APBB1IP: variants seen among roughly 807,000 people sequenced by gnomAD.
The protein encoded by APBB1IP is amyloid beta A4 precursor protein-binding family B member 1-interacting protein.
Under a neutral mutation model 64.9 loss-of-function variants are expected in APBB1IP, and 27 were observed. The observed-to-expected ratio is 0.42, with a 90% CI of 0.31 to 0.57. The LOEUF is 0.57. APBB1IP is among the 20% of genes least tolerant of loss of function. APBB1IP has a pLI of 0.20. For synonymous variants in APBB1IP, 392 were observed against 331.0 expected (o/e 1.18, Z -2.00); for missense variants, 812 against 845.5 (o/e 0.96, Z 0.49).
intron 2 of APBB1IP, among the ~76,000 whole-genome samples, chr10:26,475,495 T>G (rs1368935455): frequency 6.6e-6 from 1 of 152,174 alleles, no homozygotes; most frequent in Admixed American, 6.6e-5. Flanking sequence ...GTGTTCCACC[T>G]GTGTTTTTCC....
intron 8 of APBB1IP, among the ~76,000 whole-genome samples, chr10:26,524,230 C>A (rs1836441787): frequency 6.6e-6 from 1 of 152,130 alleles, no homozygotes; most frequent in South Asian, 2.1e-4. Context: ...CCTCCCTTTG[C>A]CCCTGGAAGG....
chr10:26,548,685 G>A (rs1836796305), intron 11 of APBB1IP, among the ~76,000 whole-genome samples: 1 of 152,074 alleles, frequency 6.6e-6, no homozygotes, highest in Non-Finnish European at 1.5e-5. Flanking sequence ...TTTGTATGCC[G>A]ATTTTCTATC....
intron 2 of APBB1IP, among the ~76,000 whole-genome samples, chr10:26,447,073 G>T (rs1380980857): frequency 6.6e-6 from 1 of 152,082 alleles, no homozygotes; most frequent in African/African-American, 2.4e-5. Flanking sequence ...AAGGAGAAAG[G>T]TATAGAAATG....
At chr10:26,555,160 A>C (rs931237472) in intron 11 of APBB1IP, among the ~76,000 whole-genome samples, 2 of 152,080 alleles carry the variant, frequency 1.3e-5, no homozygotes, top group South Asian at 4.1e-4. Context: ...TCTCCCATTG[A>C]GCCCTCCCTC....
intron 14 of APBB1IP, 58 bp downstream of exon 14, chr10:26,562,487 C>G: frequency 1.4e-6 from 2 of 1,399,406 alleles, no homozygotes; most frequent in Non-Finnish European, 2.0e-6. Context: ...TCACATTATT[C>G]CAGTAACTGC....
At chr10:26,465,607 T>C (rs1267507264) in intron 2 of APBB1IP, among the ~76,000 whole-genome samples, 1 of 152,218 alleles carries the variant, frequency 6.6e-6, no homozygotes. Context: ...AAAATTATAA[T>C]TATGTCATTA....
intron 10 of APBB1IP, among the ~76,000 whole-genome samples, chr10:26,537,354 C>G (rs1401184918): frequency 6.6e-6 from 1 of 152,106 alleles, no homozygotes; most frequent in Non-Finnish European, 1.5e-5. Context: ...GGTCTGCTAC[C>G]TCCAGTAAGG....
chr10:26,464,902 C>A (rs1484238935), intron 2 of APBB1IP, among the ~76,000 whole-genome samples: 1 of 152,182 alleles, frequency 6.6e-6, no homozygotes, highest in Non-Finnish European at 1.5e-5. Flanking sequence ...ATCTGAAGGA[C>A]AAACAGGGAT....
At chr10:26,483,405 G>T (rs1380333822) in intron 2 of APBB1IP, among the ~76,000 whole-genome samples, 1 of 152,158 alleles carries the variant, frequency 6.6e-6, no homozygotes, top group Non-Finnish European at 1.5e-5. Context: ...TGTGAGGATG[G>T]ATTTAATCAG....
chr10:26,520,152 G>C (rs1322032754), intron 8 of APBB1IP, among the ~76,000 whole-genome samples: 1 of 152,202 alleles, frequency 6.6e-6, no homozygotes, highest in Non-Finnish European at 1.5e-5. Flanking sequence ...AGTGAGCTCA[G>C]CTTGCTCTTG....
chr10:26,490,897 A>C (rs1028668527), intron 2 of APBB1IP, among the ~76,000 whole-genome samples: 5 of 152,186 alleles, frequency 3.3e-5, no homozygotes, highest in Non-Finnish European at 7.3e-5. Context: ...TTTGGCTTAA[A>C]TAATACATAC....
In APBB1IP at chr10:26,536,083, T is replaced by C. The variant is rs764541393; in HGVS notation, c.910T>C (p.Cys304Arg). The C allele has an allele frequency of 3.2e-6, 5 of 1,585,500 alleles. No homozygotes were observed. The Admixed American group carries it at 9.7e-5, about 31-fold the overall frequency. Residue 304 changes from cysteine (C) to arginine (R), a missense_variant, in exon 10 of 15, where the codon TGT becomes CGT. By Grantham distance (180) the Cys-to-Arg change is radical (BLOSUM62 -3). Around this residue, in one of 3 missense-constraint regions of APBB1IP, gnomAD observed 394 missense variants for 413.1 expected, o/e 0.95. Coordinates refer to ENST00000376236, the MANE Select transcript of APBB1IP (RefSeq NM_019043.4). The part of the protein sequence containing the change: ...NKESLLEESF[C>R]GTSIIVPELE... ...GGAATCTCACTTTCAGGAAAGTTTC[T>C]GTGGAACATCTATCATTGTACCAGA...
chr10:26,513,686 C>A (rs766804712), intron 8 of APBB1IP, 26 bp downstream of exon 8: 2 of 1,579,378 alleles, frequency 1.3e-6, no homozygotes, highest in Non-Finnish European at 1.7e-6. Context: ...TATTGTTAAA[C>A]CCTATAAAGT....
chr10:26,497,352 C>T (rs1455475285), intron 4 of APBB1IP, among the ~76,000 whole-genome samples: 1 of 151,878 alleles, frequency 6.6e-6, no homozygotes, highest in African/African-American at 2.4e-5. Context: ...GAGATCGAGA[C>T]CATCCTGGCT....
At chr10:26,450,906 G>C (rs10764623) in intron 2 of APBB1IP, among the ~76,000 whole-genome samples, 60,672 of 151,864 alleles carry the variant, frequency 0.4, 12,265 homozygotes, top group South Asian at 0.5. Flanking sequence ...ATATTGGTCA[G>C]GCTGGTCTCG....
intron 4 of APBB1IP, among the ~76,000 whole-genome samples, chr10:26,498,746 C>A (rs1836060556): frequency 6.6e-6 from 1 of 152,084 alleles, no homozygotes; most frequent in Non-Finnish European, 1.5e-5. Context: ...ATGATAGGAG[C>A]AATGATACCC....
chr10:26,486,479 A>G (rs1359804217), intron 2 of APBB1IP, among the ~76,000 whole-genome samples: 1 of 152,138 alleles, frequency 6.6e-6, no homozygotes, highest in African/African-American at 2.4e-5. Flanking sequence ...CCTTTTACCA[A>G]GTTAAGGCGC....
chr10:26,501,665 T>C (rs1836102095), intron 5 of APBB1IP: 1 of 154,158 alleles, frequency 6.5e-6, no homozygotes, highest in Non-Finnish European at 1.4e-5. Flanking sequence ...AACAGACAAC[T>C]GGAAAGTTTA....
chr10:26,552,424 C>T (rs1233711876), intron 11 of APBB1IP, among the ~76,000 whole-genome samples: 2 of 151,876 alleles, frequency 1.3e-5, no homozygotes, highest in Non-Finnish European at 2.9e-5. Context: ...ATAGGGAGAC[C>T]CCCGTCTCTA....
Sources: allele counts gnomAD v4.1 joint callset (sites outside exome capture counted in the v4.1 genomes callset), GRCh38; gene constraint gnomAD v4.1.1; regional missense constraint gnomAD v4.1.1; transcripts MANE v1.5; gene names NCBI Gene and HGNC (gene_info 2026-07-23, HGNC 2026-07-21).